C6: variants seen among roughly 807,000 people sequenced by gnomAD.
C6 encodes complement C6, also known as complement component C6.
Under a neutral mutation model 112.9 loss-of-function variants are expected in C6, and 101 were observed. That is an observed-to-expected ratio of 0.89 (90% CI 0.76 to 1.06). The LOEUF is 1.06. C6 is among the 50% of genes least tolerant of loss of function. C6 has a pLI of 0.00. For missense variants in C6, 1,202 were observed against 1,104.6 expected (o/e 1.09, Z -1.25); for synonymous variants, 431 against 384.1 (o/e 1.12, Z -1.43).
intron 1 of C6, among the ~76,000 whole-genome samples, chr5:41,246,430 T>C (rs542638155): frequency 6.6e-6 from 1 of 152,292 alleles, no homozygotes; most frequent in East Asian, 1.9e-4. Context: ...TAATTATTCT[T>C]AGTGGGAGTG....
intron 7 of C6, among the ~76,000 whole-genome samples, chr5:41,180,699 C>T (rs546251319): frequency 6.6e-6 from 1 of 151,956 alleles, no homozygotes; most frequent in East Asian, 1.9e-4. Flanking sequence ...AATTGAATAA[C>T]ATCTACTATC....
At chr5:41,196,520 A>G (rs1750633745) in intron 4 of C6, among the ~76,000 whole-genome samples, 1 of 151,994 alleles carries the variant, frequency 6.6e-6, no homozygotes, top group South Asian at 2.1e-4. Flanking sequence ...CTCGATATAG[A>G]AATCTGTATT....
chr5:41,159,261 A>G lies in C6; in HGVS notation c.1685-8T>C. On this transcript the variant is annotated splice_region_variant and splice_polypyrimidine_tract_variant and intron_variant, in intron 11 of 17. Transcript: ENST00000337836. ...ACTGTCCGTCTACTGCATCTGGAAC[A>G]AAGGAAGACTCACTCCCATGGATCA... 2 of 1,612,536 alleles carry G rather than the reference A, an allele frequency of 1.2e-6. No homozygotes were observed. The highest frequency in any genetic ancestry group is 1.7e-6 in the Non-Finnish European group (2 of 1,179,250).
rs200371424 is a variant in C6 at position 41,149,979 on chromosome 5, T to C, written c.2337A>G (p.Gln779=). Residue 779 remains glutamine (Q), a synonymous_variant, in exon 16 of 18, where the codon CAA becomes CAG. Transcript: ENST00000337836. The part of the protein sequence containing the change: ...LKGHCQLGQK[Q]SGSECICMSP... ...ACATACAAATGCATTCAGATCCTGA[T>C]TGTTTCTGTCCCAGCTGACAATGGC... 1,153 of 1,613,374 alleles carry C rather than the reference T, an allele frequency of 7.1e-4. 15 individuals are homozygous for C. In the South Asian group the frequency reaches 0.012, roughly 16 times the overall value.
chr5:41,184,705 C>G (rs946450244), intron 6 of C6, among the ~76,000 whole-genome samples: 5 of 152,122 alleles, frequency 3.3e-5, no homozygotes, highest in African/African-American at 9.6e-5. Context: ...CTCCTGACAC[C>G]CAAGTGATCT....
intron 2 of C6, among the ~76,000 whole-genome samples, chr5:41,202,195 G>T (rs555857803): frequency 6.6e-6 from 1 of 152,246 alleles, no homozygotes; most frequent in South Asian, 2.1e-4. Flanking sequence ...AATAATTCAC[G>T]TGAATTCTCC....
At chr5:41,226,663 G>T (rs11949976) in intron 1 of C6, among the ~76,000 whole-genome samples, 2 of 152,050 alleles carry the variant, frequency 1.3e-5, no homozygotes, top group Middle Eastern at 3.4e-3. Flanking sequence ...TGCTTCTGCG[G>T]GTTCTACTTT....
chr5:41,195,669 T>G, intron 5 of C6, 123 bp downstream of exon 5: 1 of 1,012,498 alleles, frequency 9.9e-7, no homozygotes, highest in Non-Finnish European at 1.6e-6. Context: ...GTATCAGAGA[T>G]AGGGCTGGTA....
intron 9 of C6, among the ~76,000 whole-genome samples, chr5:41,171,777 A>G (rs182198647): frequency 1.3e-5 from 2 of 152,280 alleles, no homozygotes; most frequent in African/African-American, 4.8e-5. Context: ...CCCCAAAATA[A>G]TTCTTTTCAC....
intron 1 of C6, among the ~76,000 whole-genome samples, chr5:41,209,494 C>A (rs9800052): frequency 0.88 from 133,704 of 152,226 alleles, 58,829 homozygotes; most frequent in Admixed American, 0.93. Flanking sequence ...TCCAAAATCT[C>A]CTTAAGCTGA....
chr5:41,201,651 C>G lies in C6; in HGVS notation c.207G>C (p.Glu69Asp), dbSNP rs777301536. 6.2e-7 allele frequency: 1 copy of G among 1,613,594 alleles called. No individual in the cohort carries two copies. The highest frequency in any genetic ancestry group is 1.7e-5 in the Admixed American group (1 of 59,952). Residue 69 changes from glutamate to aspartate, a missense_variant, in exon 3 of 18, where the codon GAG becomes GAC. Glu to Asp is a conservative substitution (Grantham distance 45). Coordinates refer to ENST00000337836, the MANE Select transcript of C6 (RefSeq NM_000065.5). ...NFCEQICSKQETRECNWQRCP... is the reference protein window; with the variant it reads ...NFCEQICSKQDTRECNWQRCP... ...ATCTTTGCCAGTTACATTCTCTAGT[C>G]TCCTGCTTGCTGCAAATCTGTTCAC...
chr5:41,231,859 A>G (rs1739922527), intron 1 of C6, among the ~76,000 whole-genome samples: 1 of 151,674 alleles, frequency 6.6e-6, no homozygotes, highest in Non-Finnish European at 1.5e-5. Context: ...TCTTTAATAT[A>G]AGAATTTCTT....
In C6 at chr5:41,184,007, G is replaced by A. The variant is rs557474132; in HGVS notation, c.726+2063C>T. ...GGGAAGGGAGGGAGGGGCAAGAGTCGAAAAACTGTTGGGTACTCTGCTCAG... is the reference window on the plus strand; with the variant it reads ...GGGAAGGGAGGGAGGGGCAAGAGTCAAAAAACTGTTGGGTACTCTGCTCAG... On this transcript the variant is annotated intron_variant, in intron 6 of 17. Transcript: ENST00000337836. Among the ~76,000 whole-genome samples, 25 of 151,974 alleles carry A rather than the reference G, an allele frequency of 1.6e-4. No homozygotes were observed. The South Asian group carries it at 4.8e-3, about 29-fold the overall frequency.
chr5:41,260,551 C>A (rs1300982647), intron 1 of C6, among the ~76,000 whole-genome samples: 1 of 151,616 alleles, frequency 6.6e-6, no homozygotes, highest in Non-Finnish European at 1.5e-5. Flanking sequence ...GGTCGTATCA[C>A]CTGAGGTTGG....
At chr5:41,166,295 T>C (rs1270828503) in intron 9 of C6, among the ~76,000 whole-genome samples, 1 of 152,152 alleles carries the variant, frequency 6.6e-6, no homozygotes, top group Non-Finnish European at 1.5e-5. Flanking sequence ...CCTTGTCAGC[T>C]TTATTTCACA....
chr5:41,219,677 C>T (rs1739044359), intron 1 of C6, among the ~76,000 whole-genome samples: 2 of 151,978 alleles, frequency 1.3e-5, no homozygotes, highest in Non-Finnish European at 2.9e-5. Flanking sequence ...TAGCTAAGTT[C>T]GTAGTTACAA....
chr5:41,147,345 A>G (rs895631422), intron 17 of C6, among the ~76,000 whole-genome samples: 1 of 152,174 alleles, frequency 6.6e-6, no homozygotes, highest in South Asian at 2.1e-4. Flanking sequence ...TGTAACTTAT[A>G]TGGAATTGCT....
chr5:41,246,689 G>A (rs1383451154), intron 1 of C6, among the ~76,000 whole-genome samples: 5 of 152,084 alleles, frequency 3.3e-5, no homozygotes, highest in Non-Finnish European at 7.4e-5. Flanking sequence ...GTGAGAAAAA[G>A]ACATTCTTAT....
intron 3 of C6, among the ~76,000 whole-genome samples, chr5:41,200,199 A>G (rs954090687): frequency 3.9e-5 from 6 of 152,206 alleles, no homozygotes; most frequent in African/African-American, 1.4e-4. Flanking sequence ...AATAAAATAT[A>G]TAAATGTTTG....
Sources: allele counts gnomAD v4.1 joint callset (sites outside exome capture counted in the v4.1 genomes callset), GRCh38; gene constraint gnomAD v4.1.1; transcripts MANE v1.5; gene names NCBI Gene and HGNC (gene_info 2026-07-23, HGNC 2026-07-21).